GPD2: variants seen among roughly 807,000 people sequenced by gnomAD.
GPD2 encodes glycerol-3-phosphate dehydrogenase 2.
Under a neutral mutation model 82.4 loss-of-function variants are expected in GPD2, and 54 were observed. The ratio of observed to expected loss-of-function variants is 0.66; its 90% CI spans 0.53 to 0.82. The LOEUF (loss-of-function observed/expected upper bound fraction) is 0.82, where lower values mean the gene tolerates loss of function less well. GPD2 is among the 40% of genes least tolerant of loss of function. The pLI is 0.00. For missense variants in GPD2, 748 were observed against 896.2 expected (o/e 0.83, Z 2.11); for synonymous variants, 288 against 306.1 (o/e 0.94, Z 0.62).
At chr2:156,449,856 C>CAAAAAAAA (rs70987037) in intron 1 of GPD2, among the ~76,000 whole-genome samples, 4 of 83,998 alleles carry the variant, frequency 4.8e-5, no homozygotes, top group Admixed American at 1.6e-4. Flanking sequence ...ACTAAATATA[C>CAAAAAAAA]AAAAAAAAAA....
intron 1 of GPD2, among the ~76,000 whole-genome samples, chr2:156,470,658 T>C (rs1055278931): frequency 3.9e-5 from 6 of 152,214 alleles, no homozygotes; most frequent in African/African-American, 1.2e-4. Context: ...TTGTGCATAG[T>C]TGCCTTGCCT....
At chr2:156,459,133 A>T (rs1427733243) in intron 1 of GPD2, among the ~76,000 whole-genome samples, 1 of 152,186 alleles carries the variant, frequency 6.6e-6, no homozygotes, top group Non-Finnish European at 1.5e-5. Context: ...CTCAGAAAGG[A>T]TTAATTCCTA....
At chr2:156,403,236 T>C in the GPD2 span, among the ~76,000 whole-genome samples, 1 of 152,170 alleles carries the variant, frequency 6.6e-6, no homozygotes, top group Non-Finnish European at 1.5e-5. Context: ...TCCATTCTAG[T>C]TTACCTAGCC....
intron 16 of GPD2, among the ~76,000 whole-genome samples, chr2:156,581,892 C>T (rs961668587): frequency 1.3e-5 from 2 of 151,568 alleles, no homozygotes; most frequent in African/African-American, 4.9e-5. Flanking sequence ...AAAGCTATAA[C>T]CCTAAAAATA....
intron 1 of GPD2, among the ~76,000 whole-genome samples, chr2:156,472,105 T>C (rs1288697517): frequency 6.6e-6 from 1 of 152,250 alleles, no homozygotes; most frequent in African/African-American, 2.4e-5. Context: ...GAACATTTAT[T>C]GCAGAAGTTA....
intron 6 of GPD2, among the ~76,000 whole-genome samples, chr2:156,540,600 T>C (rs1444026125): frequency 3.3e-5 from 5 of 152,234 alleles, no homozygotes; most frequent in African/African-American, 1.2e-4. Context: ...TTATAGCTAA[T>C]ATAGATTTCC....
At position 156,476,136 on chromosome 2, in the gene GPD2, A is replaced by G; in HGVS notation, c.31A>G (p.Ile11Val). 1 of 1,610,246 alleles carries G rather than the reference A, an allele frequency of 6.2e-7. No individual in the cohort carries two copies. The highest frequency in any genetic ancestry group is 8.5e-7 in the Non-Finnish European group (1 of 1,176,538). The stretch of plus-strand genomic sequence containing the variant: ...ATTTCAAAAGGCAGTGAAAGGGACG[A>G]TTCTTGTTGGAGGAGGTGCTCTTGC... MAFQKAVKGT[I>V]LVGGGALATV... Residue 11 changes from isoleucine (I) to valine (V), a missense_variant, in exon 2 of 17, where the codon ATT becomes GTT. By Grantham distance (29) the Ile-to-Val change is conservative (BLOSUM62 3). Transcript: ENST00000438166.
chr2:156,414,780 T>A, the GPD2 span, among the ~76,000 whole-genome samples: 9 of 152,202 alleles, frequency 5.9e-5, no homozygotes, highest in Admixed American at 2.0e-4. Flanking sequence ...TATTATATCA[T>A]TCCCATTTAC....
intron 16 of GPD2, among the ~76,000 whole-genome samples, chr2:156,582,513 C>T (rs1449355404): frequency 6.8e-6 from 1 of 147,188 alleles, no homozygotes; most frequent in Admixed American, 6.8e-5. Flanking sequence ...GCCTTGAGCA[C>T]ATTAAAGGAC....
chr2:156,560,262 AT>A (rs1324569948), intron 9 of GPD2, among the ~76,000 whole-genome samples: 1 of 151,576 alleles, frequency 6.6e-6, no homozygotes, highest in East Asian at 2.0e-4. Flanking sequence ...TGGATCACTT[AT>A]GTTCTACCTA....
At chr2:156,433,145 G>A (rs1444760824), upstream of GPD2, among the ~76,000 whole-genome samples, 3 of 152,092 alleles carry the variant, frequency 2.0e-5, no homozygotes, top group African/African-American at 2.4e-5. Context: ...ATTCCTGGGC[G>A]TAGGCTGAAC....
At chr2:156,414,098 T>C in the GPD2 span, among the ~76,000 whole-genome samples, 2 of 152,204 alleles carry the variant, frequency 1.3e-5, no homozygotes, top group African/African-American at 4.8e-5. Flanking sequence ...CAAATGCACA[T>C]ATCACTTGGG....
intron 1 of GPD2, among the ~76,000 whole-genome samples, chr2:156,463,141 G>C (rs1223659588): frequency 1.3e-5 from 2 of 152,154 alleles, no homozygotes; most frequent in Non-Finnish European, 2.9e-5. Flanking sequence ...TATTATTCCT[G>C]AGGCCATCAC....
chr2:156,575,995 T>A (rs1687809644), intron 13 of GPD2, among the ~76,000 whole-genome samples: 2 of 152,184 alleles, frequency 1.3e-5, no homozygotes, highest in Non-Finnish European at 2.9e-5. Context: ...TGATGATGGA[T>A]TGAAACAATG....
chr2:156,474,731 A>C (rs1683445227), intron 1 of GPD2, among the ~76,000 whole-genome samples: 1 of 152,220 alleles, frequency 6.6e-6, no homozygotes, highest in African/African-American at 2.4e-5. Flanking sequence ...GTCCTCATCA[A>C]AACTTTAGAA....
intron 1 of GPD2, among the ~76,000 whole-genome samples, chr2:156,462,917 C>T (rs1205557827): frequency 6.6e-6 from 1 of 152,286 alleles, no homozygotes; most frequent in East Asian, 1.9e-4. Context: ...CACATGTATA[C>T]TTATGTAACA....
Position 156,513,512 on chromosome 2 carries a change from T to G in GPD2, c.661+16T>G. 2.5e-6 allele frequency: 4 copies of G among 1,607,328 alleles called. No individual in the cohort carries two copies. Among genetic ancestry groups the G allele is most frequent in the Non-Finnish European group, 3.4e-6 (4 of 1,174,192 alleles). On this transcript the variant is annotated intron_variant, in intron 6 of 16. Transcript: ENST00000438166. ...TACTATGACGGTATGTGATGTTTTT[T>G]TTTTTTTTCCTCACAAGATACTTTT...
At chr2:156,539,631 A>C (rs1359699259) in intron 6 of GPD2, among the ~76,000 whole-genome samples, 1 of 152,206 alleles carries the variant, frequency 6.6e-6, no homozygotes, top group African/African-American at 2.4e-5. Flanking sequence ...GGTCCTTGGC[A>C]CATGGTTCCA....
chr2:156,431,745 T>C (rs1023598837), upstream of GPD2, among the ~76,000 whole-genome samples: 2 of 152,040 alleles, frequency 1.3e-5, no homozygotes, highest in African/African-American at 2.4e-5. Context: ...ATAAAAAGAA[T>C]TGTCAAAAAA....
Sources: allele counts gnomAD v4.1 joint callset (sites outside exome capture counted in the v4.1 genomes callset), GRCh38; gene constraint gnomAD v4.1.1; transcripts MANE v1.5; gene names NCBI Gene and HGNC (gene_info 2026-07-23, HGNC 2026-07-21).